Variants in CFAP69 observed in about 807,000 individuals in gnomAD.
CFAP69 encodes cilia- and flagella-associated protein 69.
CFAP69 carries 92 observed loss-of-function variants against 123.0 expected under a neutral mutation model. The observed-to-expected ratio is 0.75, with a 90% confidence interval of 0.63 to 0.89. The LOEUF (loss-of-function observed/expected upper bound fraction) is 0.89, where lower values mean the gene tolerates loss of function less well. Ranked by LOEUF, CFAP69 falls within the 40% of genes least tolerant of loss-of-function variation. CFAP69 has a pLI of 0.00. For missense variants in CFAP69, 1,067 were observed against 1,096.9 expected, an observed-to-expected ratio of 0.97 and a Z score of 0.39; for synonymous variants, 380 against 364.3, an observed-to-expected ratio of 1.04 and a Z score of -0.49.
Position 90,310,924 on chromosome 7 carries a change from G to A in CFAP69, c.*686G>A, listed in dbSNP as rs1584573039. On this transcript the variant is annotated 3_prime_UTR_variant, in exon 23 of 23. Transcript: ENST00000389297. ...GGGCAGCAAGATAAACAATAACTCT[G>A]CAACAAGTATGTTGGTCAAAATAAA... 6.6e-6 allele frequency: 1 copy of A among 151,990 alleles called. No individual in the cohort carries two copies. The highest frequency in any genetic ancestry group is 1.5e-5 in the Non-Finnish European group (1 of 68,018). 9.4% of individuals were successfully genotyped at this position (151,990 alleles called of 1,614,324 possible).
intron 15 of CFAP69, among the ~76,000 whole-genome samples, chr7:90,297,241 C>T (rs1792126087): frequency 6.6e-6 from 1 of 152,158 alleles, no homozygotes; most frequent in East Asian, 1.9e-4. Flanking sequence ...ACTCACTGGT[C>T]AGTTGTGCCT....
chr7:90,283,141 A>G (rs1462371543), intron 13 of CFAP69, 85 bp downstream of exon 13: 2 of 1,056,602 alleles, frequency 1.9e-6, no homozygotes, highest in Admixed American at 3.8e-5. Context: ...TCCAAAATTT[A>G]TTTTGTCTTT....
Position 90,274,002 on chromosome 7 carries a change from ATT to A in CFAP69, c.878_879del (p.Phe293Ter). 1 of 1,597,956 alleles carries A rather than the reference ATT, an allele frequency of 6.3e-7. No individual in the cohort carries two copies. Among genetic ancestry groups the A allele is most frequent in the South Asian group, 1.1e-5 (1 of 87,712 alleles). ...LECLLALKEV[F>X]KNLFMRGFSH... ...TACTTTCTAGGGCTTTGAAGGAAGT[ATT>A]TAAAAATCTGTTTATGAGAGGTTTC... is the stretch of plus-strand genomic sequence containing the variant. On this transcript the variant is annotated frameshift_variant, in exon 9 of 23. Transcript: ENST00000389297. LOFTEE classifies it high-confidence loss of function.
chr7:90,265,991 A>G (rs1210936251), intron 5 of CFAP69: 1 of 152,180 alleles, frequency 6.6e-6, no homozygotes, highest in Non-Finnish European at 1.5e-5. Flanking sequence ...CTCCTGGGAC[A>G]TGATGGCATG....
At chr7:90,287,441 T>G (rs1454133134) in intron 14 of CFAP69, 1 of 964,472 alleles carries the variant, frequency 1.0e-6, no homozygotes, top group African/African-American at 1.8e-5. Context: ...GGGTTTGAAT[T>G]GGGTTCAAAC....
At chr7:90,256,824 A>G (rs1300769122) in intron 2 of CFAP69, among the ~76,000 whole-genome samples, 1 of 152,236 alleles carries the variant, frequency 6.6e-6, no homozygotes, top group Non-Finnish European at 1.5e-5. Context: ...AGTATAGACA[A>G]TATCACAGCT....
At chr7:90,271,058 G>T (rs561969202) in intron 6 of CFAP69, among the ~76,000 whole-genome samples, 20 of 152,196 alleles carry the variant, frequency 1.3e-4, no homozygotes, top group African/African-American at 4.3e-4. Context: ...AAAACATTCA[G>T]TATTTGTCAT....
At chr7:90,254,520 G>T (rs570850811) in intron 1 of CFAP69, among the ~76,000 whole-genome samples, 5 of 152,244 alleles carry the variant, frequency 3.3e-5, no homozygotes, top group African/African-American at 1.2e-4. Context: ...AGAACTTTGG[G>T]GCAGGGAGTG....
chr7:90,292,379 TAGAC>T (rs1433063534), intron 15 of CFAP69, among the ~76,000 whole-genome samples: 3 of 152,202 alleles, frequency 2.0e-5, no homozygotes, highest in Non-Finnish European at 4.4e-5. Flanking sequence ...AGAGACTGTG[TAGAC>T]AAAGTATCAA....
rs1799456138 is a variant in CFAP69, at chr7:90,268,387, G to A, written c.532+3G>A. 6.3e-7 allele frequency: 1 copy of A among 1,597,512 alleles called. No individual in the cohort carries two copies. Among genetic ancestry groups the A allele is most frequent in the African/African-American group, 1.3e-5 (1 of 74,516 alleles). On this transcript the variant is annotated splice_donor_region_variant and intron_variant, in intron 6 of 22. Transcript: ENST00000389297. ...ACCACCAAAGAAGCATATTCCAGGT[G>A]AAGTTTACAATGGTCTTTCAGTGAT...
chr7:90,268,415 C>A (rs757363115), intron 6 of CFAP69, 31 bp downstream of exon 6: 7 of 1,440,372 alleles, frequency 4.9e-6, no homozygotes, highest in Non-Finnish European at 6.8e-6. Context: ...TCAGTGATAA[C>A]TTGTGTATGT....
chr7:90,279,309 T>C (rs1354506370), intron 11 of CFAP69, among the ~76,000 whole-genome samples: 6 of 152,160 alleles, frequency 3.9e-5, no homozygotes, highest in Admixed American at 3.9e-4. Context: ...TGCCCCAAAA[T>C]ATTCTATGTT....
At position 90,303,992 on chromosome 7, in the gene CFAP69, A is replaced by T. The variant is rs1275471667; in HGVS notation, c.2074A>T (p.Ser692Cys). The T allele has an allele frequency of 6.5e-7, 1 of 1,550,260 alleles. No individual in the cohort carries two copies. Among genetic ancestry groups the T allele is most frequent in the Admixed American group, 2.0e-5 (1 of 50,928 alleles). Residue 692 changes from serine to cysteine, a missense_variant, in exon 18 of 23, where the codon AGC (serine) becomes TGC (cysteine). Coordinates refer to ENST00000389297, the MANE Select transcript of CFAP69 (RefSeq NM_001039706.3). ...AGATACAAAAAAACCTCTATTTACT[A>T]GCTTTCAAGAAGAGCAAAAAATCAT... is the stretch of plus-strand genomic sequence containing the variant. ...IIDTKKPLFT[S>C]FQEEQKIIPL...
intron 3 of CFAP69, among the ~76,000 whole-genome samples, chr7:90,261,317 C>T (rs1387536586): frequency 6.6e-6 from 1 of 152,178 alleles, no homozygotes. Flanking sequence ...TCGTGATCCA[C>T]CTGCCTCGGA....
At chr7:90,305,339 TA>T (rs1214395186) in intron 19 of CFAP69, among the ~76,000 whole-genome samples, 821 of 65,174 alleles carry the variant, frequency 0.013, 3 homozygotes, top group Middle Eastern at 0.039. Flanking sequence ...AGACTCCGTC[TA>T]AAAAAAAAAA....
At chr7:90,251,881 C>A (rs1163560672) in intron 1 of CFAP69, 1 of 152,132 alleles carries the variant, frequency 6.6e-6, no homozygotes, top group Non-Finnish European at 1.5e-5. Context: ...GAGAAAAAAT[C>A]TGAAAATACA....
chr7:90,281,450 T>G (rs1789479434), intron 12 of CFAP69, among the ~76,000 whole-genome samples: 1 of 152,160 alleles, frequency 6.6e-6, no homozygotes, highest in African/African-American at 2.4e-5. Flanking sequence ...TACTGGGTCA[T>G]GGAGAGACCA....
At chr7:90,275,234 T>C (rs11563554) in intron 9 of CFAP69, among the ~76,000 whole-genome samples, 6,787 of 152,318 alleles carry the variant, frequency 0.045, 197 homozygotes, top group South Asian at 0.11. Context: ...ATCTTTACTG[T>C]AGATTCTGGT....
chr7:90,291,441 A>G (rs570450080), intron 15 of CFAP69, among the ~76,000 whole-genome samples: 1 of 152,244 alleles, frequency 6.6e-6, no homozygotes, highest in Middle Eastern at 3.4e-3. Flanking sequence ...TTTTATCCCC[A>G]AGGTCTTCAT....
Sources: allele counts gnomAD v4.1 joint callset (sites outside exome capture counted in the v4.1 genomes callset), GRCh38; gene constraint gnomAD v4.1.1; transcripts MANE v1.5; gene names NCBI Gene and HGNC (gene_info 2026-07-23, HGNC 2026-07-21).